Variants in PCDHGA4 observed in about 807,000 individuals in gnomAD.
PCDHGA4 encodes the protein protocadherin gamma-A4.
PCDHGA4 carries 38 observed loss-of-function variants against 54.6 expected under a neutral mutation model. The ratio of observed to expected loss-of-function variants is 0.70; its 90% CI spans 0.54 to 0.91. The LOEUF is 0.91. Ranked by LOEUF, PCDHGA4 falls within the 40% of genes least tolerant of loss-of-function variation. The pLI, the probability that PCDHGA4 is intolerant of heterozygous loss-of-function variation, is 0.00. For missense variants in PCDHGA4, 1,298 were observed against 1,220.9 expected, an observed-to-expected ratio of 1.06 and a Z score of -0.94; for synonymous variants, 511 against 512.9, an observed-to-expected ratio of 1.00 and a Z score of 0.05.
intron 1 of PCDHGA4, among the ~76,000 whole-genome samples, chr5:141,359,644 G>T (rs1297156437): frequency 6.6e-6 from 1 of 152,004 alleles, no homozygotes; most frequent in Non-Finnish European, 1.5e-5. Flanking sequence ...GTGTAAAGAA[G>T]GAGACAGAAT....
At chr5:141,417,646 C>A in intron 1 of PCDHGA4, 2 of 797,870 alleles carry the variant, frequency 2.5e-6, no homozygotes, top group Non-Finnish European at 3.8e-6. Context: ...GATCCCTCAG[C>A]CTCTAGCCTG....
chr5:141,409,577 G>A, intron 1 of PCDHGA4: 1 of 1,613,920 alleles, frequency 6.2e-7, no homozygotes, highest in South Asian at 1.1e-5. Context: ...GTCCTACGTG[G>A]TCCACGTGGC....
At chr5:141,501,510 T>G (rs11744379) in intron 2 of PCDHGA4, among the ~76,000 whole-genome samples, 29,206 of 151,772 alleles carry the variant, frequency 0.19, 2,837 homozygotes, top group Middle Eastern at 0.24. Context: ...CTCCAAGGCC[T>G]CCAAGCTGAA....
In PCDHGA4 at chr5:141,375,370, A is replaced by T. The variant is rs772477616; in HGVS notation, c.2514+17749A>T. ...CTGTGACAGCCACGGACAAAGGAAC[A>T]CCACCTCTGTCTACAGAAACAATCA... On this transcript the variant is annotated intron_variant, in intron 1 of 3. Transcript: ENST00000571252. The T allele has an allele frequency of 2.5e-6, 4 of 1,613,890 alleles. No individual in the cohort carries two copies. In the South Asian group the frequency reaches 4.4e-5, roughly 18 times the overall value.
At chr5:141,421,508 A>C in intron 1 of PCDHGA4, 1 of 1,614,046 alleles carries the variant, frequency 6.2e-7, no homozygotes, top group Non-Finnish European at 8.5e-7. Context: ...ATAGACCGGG[A>C]GGAGCTCTGT....
At chr5:141,419,796 T>A in intron 1 of PCDHGA4, 1 of 1,614,026 alleles carries the variant, frequency 6.2e-7, no homozygotes. Flanking sequence ...CTAGTCGCTG[T>A]AAGAGATGGA....
intron 1 of PCDHGA4, chr5:141,384,713 C>CA: frequency 6.2e-7 from 1 of 1,614,104 alleles, no homozygotes; most frequent in Non-Finnish European, 8.5e-7. Context: ...GCCTGGCTGT[C>CA]ATACCTCCTG....
At position 141,356,559 on chromosome 5, in the gene PCDHGA4, T is replaced by G. The variant is rs779037970; in HGVS notation, c.1452T>G (p.Pro484=). 1 of 1,614,140 alleles carries G rather than the reference T, an allele frequency of 6.2e-7. No homozygotes were observed. The highest frequency in any genetic ancestry group is 8.5e-7 in the Non-Finnish European group (1 of 1,180,002). ...MDINDNPPTF[P]HASYSAYIPE... ...TCAATGACAACCCACCCACTTTCCC[T>G]CATGCTTCCTACTCTGCTTACATTC... The change falls in exon 1 of 4, where the codon CCT becomes CCG. Residue 484 remains proline, a synonymous_variant. Coordinates refer to ENST00000571252, the MANE Select transcript of PCDHGA4 (RefSeq NM_018917.4).
intron 1 of PCDHGA4, among the ~76,000 whole-genome samples, chr5:141,430,226 T>C (rs1331325242): frequency 6.9e-6 from 1 of 144,216 alleles, no homozygotes; most frequent in Admixed American, 7.0e-5. Context: ...ATATGATTTG[T>C]CAAAAAGAGA....
intron 1 of PCDHGA4, chr5:141,392,814 A>G: frequency 2.5e-6 from 4 of 1,585,078 alleles, no homozygotes; most frequent in South Asian, 2.3e-5. Flanking sequence ...CAAAACAACA[A>G]TGGCCGCTCC....
intron 1 of PCDHGA4, chr5:141,383,361 A>C: frequency 6.2e-7 from 1 of 1,614,022 alleles, no homozygotes; most frequent in Non-Finnish European, 8.5e-7. Flanking sequence ...GGTTTCCGTT[A>C]AGCGAGGCTG....
Position 141,366,618 on chromosome 5 carries a change from C to T in PCDHGA4, c.2514+8997C>T, listed in dbSNP as rs781279706. Reference sequence around the variant, plus strand: ...CACGAGGTCTCCCTCACCGCGGACTCGAGGAAGAGTCACCTGATCTTTCCC... The same window carrying T: ...CACGAGGTCTCCCTCACCGCGGACTTGAGGAAGAGTCACCTGATCTTTCCC... On this transcript the variant is annotated intron_variant, in intron 1 of 3. Coordinates refer to ENST00000571252, the MANE Select transcript of PCDHGA4 (RefSeq NM_018917.4). 7.4e-6 allele frequency: 12 copies of T among 1,614,114 alleles called. No homozygotes were observed. Among genetic ancestry groups the T allele is most frequent in the Non-Finnish European group, 1.0e-5 (12 of 1,180,056 alleles).
intron 1 of PCDHGA4, chr5:141,430,861 A>C: frequency 6.3e-7 from 1 of 1,592,834 alleles, no homozygotes; most frequent in Middle Eastern, 1.7e-4. Flanking sequence ...TACGCTATTC[A>C]GTTCCGGAAG....
chr5:141,360,951 C>T (rs1413574595), intron 1 of PCDHGA4: 2 of 1,613,942 alleles, frequency 1.2e-6, no homozygotes, highest in Admixed American at 1.7e-5. Flanking sequence ...GGGATGAAGG[C>T]ATAAACGCAG....
In PCDHGA4 at chr5:141,489,584, A is replaced by G. The variant is rs775720718; in HGVS notation, c.2515-5223A>G. Reference sequence around the variant, plus strand: ...CAGGTGGTGACTGAACACCCCCTGGAGCTAATCCGTGTAGAGGTAGAGATC... The same window carrying G: ...CAGGTGGTGACTGAACACCCCCTGGGGCTAATCCGTGTAGAGGTAGAGATC... On this transcript the variant is annotated intron_variant, in intron 1 of 3. Coordinates refer to ENST00000571252, the MANE Select transcript of PCDHGA4 (RefSeq NM_018917.4). The surrounding 1 kb of genome is among the most constrained non-coding windows in gnomAD (Gnocchi z 4.5). The G allele has an allele frequency of 6.2e-7, 1 of 1,614,054 alleles. No homozygotes were observed. Among genetic ancestry groups the G allele is most frequent in the South Asian group, 1.1e-5 (1 of 91,078 alleles).
chr5:141,373,994 G>C lies in PCDHGA4; in HGVS notation c.2514+16373G>C, dbSNP rs1355942933. 8.0e-6 allele frequency: 10 copies of C among 1,243,924 alleles called. 1 individual carries two copies. Among genetic ancestry groups the C allele is most frequent in the African/African-American group, 3.0e-5 (2 of 65,694 alleles). The allele number at this position is 1,243,924 out of a possible 1,614,324, so 77.1% of individuals were successfully genotyped here. A position where few individuals can be genotyped will look rare whatever the true frequency, so the allele number is the denominator to read the frequency against. On this transcript the variant is annotated intron_variant, in intron 1 of 3. Transcript: ENST00000571252. ...CGCATCCGGTCTCTGCTTGTTGAAG[G>C]ACCTTCACCGCTATTTCTGAGAAGA...
At chr5:141,403,209 C>T (rs1247618991) in intron 1 of PCDHGA4, 2 of 1,613,982 alleles carry the variant, frequency 1.2e-6, no homozygotes, top group Admixed American at 1.7e-5. Context: ...ACCTTGGTCA[C>T]CGCGGGTAGG....
At position 141,357,645 on chromosome 5, in the gene PCDHGA4, A is replaced by G. The variant is rs374651812; in HGVS notation, c.2514+24A>G. 1.9e-6 allele frequency: 3 copies of G among 1,610,840 alleles called. 1 individual carries two copies. The highest frequency in any genetic ancestry group is 2.2e-5 in the South Asian group (2 of 90,876). ...AGGTGAGTCAATCTTATAATAGATC[A>G]TACCACACTGAAATATAGACAAAGA... On this transcript the variant is annotated intron_variant, in intron 1 of 3. Coordinates refer to ENST00000571252, the MANE Select transcript of PCDHGA4 (RefSeq NM_018917.4).
At chr5:141,479,982 C>T (rs368461965) in intron 1 of PCDHGA4, among the ~76,000 whole-genome samples, 1 of 152,192 alleles carries the variant, frequency 6.6e-6, no homozygotes, top group South Asian at 2.1e-4. Flanking sequence ...CTACCATTTA[C>T]CAACTAGGAG....
Sources: gnomAD v4.1 joint callset for allele counts (sites outside exome capture counted in the v4.1 genomes callset) on GRCh38, gnomAD v4.1.1 for gene constraint, Gnocchi (gnomAD v3.1) non-coding constraint, MANE v1.5 for transcripts, NCBI Gene and HGNC (gene_info 2026-07-23, HGNC 2026-07-21) for gene names.